CSMD3: variants seen among roughly 807,000 people sequenced by gnomAD.
The protein encoded by CSMD3 is CUB and Sushi multiple domains 3.
A neutral mutation model predicts 435.2 loss-of-function variants in CSMD3; 177 were observed. The observed-to-expected ratio is 0.41, with a 90% CI of 0.36 to 0.46. The LOEUF (loss-of-function observed/expected upper bound fraction) is 0.46. CSMD3 is among the 20% of genes least tolerant of loss of function. CSMD3 has a pLI of 0.34. For synonymous variants in CSMD3, 1,656 were observed against 1,520.5 expected, an observed-to-expected ratio of 1.09 and a Z score of -2.07; for missense variants, 4,265 against 4,504.6, an observed-to-expected ratio of 0.95 and a Z score of 1.52.
intron 70 of CSMD3, among the ~76,000 whole-genome samples, chr8:112,228,018 A>G (rs1426104400): frequency 6.6e-6 from 1 of 152,066 alleles, no homozygotes; most frequent in Non-Finnish European, 1.5e-5. Context: ...CTCCATCCTG[A>G]GCGACAGAGC....
At chr8:112,942,820 TA>T (rs780453304) in intron 9 of CSMD3, among the ~76,000 whole-genome samples, 3 of 151,796 alleles carry the variant, frequency 2.0e-5, no homozygotes, top group Non-Finnish European at 4.4e-5. Context: ...CCCTGTGACA[TA>T]CAATTTACCT....
chr8:112,916,450 CTA>C (rs1014145889), intron 10 of CSMD3, among the ~76,000 whole-genome samples: 1 of 151,528 alleles, frequency 6.6e-6, no homozygotes, highest in East Asian at 1.9e-4. Context: ...AAGCTTCACA[CTA>C]TGGCTTTTAG....
chr8:113,119,506 T>A (rs1277268298), intron 4 of CSMD3, among the ~76,000 whole-genome samples: 1 of 152,094 alleles, frequency 6.6e-6, no homozygotes, highest in Non-Finnish European at 1.5e-5. Flanking sequence ...TTTGAGATGT[T>A]AAAAACATAG....
rs181712155 is a variant in CSMD3 at position 112,435,229 on chromosome 8, C to A, written c.5396-26197G>T. Among the ~76,000 whole-genome samples the A allele has an allele frequency of 5.3e-5, 8 of 151,982 alleles. No homozygotes were observed. The East Asian group carries it at 1.4e-3, about 26-fold the overall frequency. On this transcript the variant is annotated intron_variant, in intron 32 of 70. Coordinates refer to ENST00000297405, the MANE Select transcript of CSMD3 (RefSeq NM_198123.2). The stretch of plus-strand genomic sequence containing the variant: ...TGAAAATAGAGAATACCTTTTTGTG[C>A]GGGTAGATAGCATTGAATTCTCAAG...
intron 1 of CSMD3, among the ~76,000 whole-genome samples, chr8:113,433,258 G>T (rs536724716): frequency 9.2e-5 from 14 of 152,142 alleles, no homozygotes; most frequent in Non-Finnish European, 1.8e-4. Flanking sequence ...CCTTTGTAAA[G>T]CTCTCTCAAG....
chr8:112,844,481 T>C (rs1290630110), intron 11 of CSMD3, among the ~76,000 whole-genome samples: 1 of 152,010 alleles, frequency 6.6e-6, no homozygotes, highest in African/African-American at 2.4e-5. Context: ...AAATATGATA[T>C]AAATAGAAAT....
At chr8:113,063,509 T>C (rs1230087498) in intron 5 of CSMD3, among the ~76,000 whole-genome samples, 1 of 152,006 alleles carries the variant, frequency 6.6e-6, no homozygotes, top group African/African-American at 2.4e-5. Context: ...ACAAGATTCA[T>C]GTCAAGCATG....
At chr8:113,346,228 T>C (rs1354702115) in intron 1 of CSMD3, among the ~76,000 whole-genome samples, 1 of 152,052 alleles carries the variant, frequency 6.6e-6, no homozygotes, top group East Asian at 2.0e-4. Flanking sequence ...TTTTTACTTT[T>C]AGAATATCCT....
chr8:112,541,766 A>C (rs1826686900), intron 27 of CSMD3, among the ~76,000 whole-genome samples: 1 of 151,968 alleles, frequency 6.6e-6, no homozygotes, highest in Admixed American at 6.6e-5. Context: ...CAAACAAAAA[A>C]ATTTCCAAAT....
chr8:112,949,331 A>C (rs916680169), intron 8 of CSMD3, among the ~76,000 whole-genome samples: 11 of 152,030 alleles, frequency 7.2e-5, no homozygotes, highest in Admixed American at 6.6e-4. Flanking sequence ...ACTGTATTAC[A>C]GCTCACTAAT....
rs71281204 is a variant in CSMD3 at position 113,168,519 on chromosome 8, C to CAAAAAA, written c.709+5197_709+5202dup. ...CTGGTGACAGAGCAAGACTCTGTCT[C>CAAAAAA]AAAAAAAAAAAAAAAAAAAAAAAAA... On this transcript the variant is annotated intron_variant, in intron 4 of 70. Coordinates refer to ENST00000297405, the MANE Select transcript of CSMD3 (RefSeq NM_198123.2). Among the ~76,000 whole-genome samples, 61 of 17,018 alleles carry CAAAAAA rather than the reference C, an allele frequency of 3.6e-3. 17 individuals carry two copies. Among genetic ancestry groups the CAAAAAA allele is most frequent in the East Asian group, 0.014 (4 of 292 alleles). 11.2% of individuals were successfully genotyped at this position (17,018 alleles called of 152,430 possible). A position where few individuals can be genotyped will look rare whatever the true frequency, so the allele number is the denominator to read the frequency against.
intron 3 of CSMD3, among the ~76,000 whole-genome samples, chr8:113,203,973 T>C (rs1010756897): frequency 1.3e-5 from 2 of 152,154 alleles, no homozygotes; most frequent in African/African-American, 4.8e-5. Context: ...TCAACAAATA[T>C]ATATATTTCC....
In CSMD3 at chr8:112,376,039, T is replaced by A. The variant is rs201013570; in HGVS notation, c.6136+4313A>T. Among the ~76,000 whole-genome samples the A allele has an allele frequency of 1.3e-4, 20 of 152,264 alleles. No homozygotes were observed. The East Asian group carries it at 3.3e-3, about 25-fold the overall frequency. On this transcript the variant is annotated intron_variant, in intron 38 of 70. Transcript: ENST00000297405. ...TCCTCTGCTGAATCTATCCACCCCG[T>A]CTTGCTTAACTGTAAAACTCCTACT...
At chr8:112,327,150 G>T (rs1823593031) in intron 45 of CSMD3, among the ~76,000 whole-genome samples, 1 of 152,170 alleles carries the variant, frequency 6.6e-6, no homozygotes, top group Admixed American at 6.6e-5. Context: ...ATATGTAAGT[G>T]TCTGTGGTCT....
chr8:112,766,748 T>C (rs1461693531), intron 13 of CSMD3, among the ~76,000 whole-genome samples: 1 of 151,744 alleles, frequency 6.6e-6, no homozygotes, highest in Non-Finnish European at 1.5e-5. Context: ...GGCAAGTTAA[T>C]GAAAAAGGAG....
intron 13 of CSMD3, among the ~76,000 whole-genome samples, chr8:112,701,700 ACCATAGAGGG>A (rs2076392546): frequency 6.6e-6 from 1 of 152,130 alleles, no homozygotes; most frequent in Non-Finnish European, 1.5e-5. Context: ...CGACTTCCTT[ACCATAGAGGG>A]CCCTTCATGA....
chr8:112,689,962 C>T lies in CSMD3; in HGVS notation c.2061G>A (p.Arg687=), dbSNP rs146167541. Residue 687 remains arginine, a synonymous_variant, in exon 14 of 71, where the codon AGG becomes AGA. Coordinates refer to ENST00000297405, the MANE Select transcript of CSMD3 (RefSeq NM_198123.2). ...ATTCAAACCCAAACTGGCATTCAAACCTTAAAACATCACGATTAGAAAATC... is the reference window on the plus strand; with the variant it reads ...ATTCAAACCCAAACTGGCATTCAAATCTTAAAACATCACGATTAGAAAATC... ...GDGFSNRDVL[R]FECQFGFELI... 10,690 of 1,613,226 alleles carry T rather than the reference C, an allele frequency of 6.6e-3. 38 individuals are homozygous for T. The highest frequency in any genetic ancestry group is 7.9e-3 in the Non-Finnish European group (9,298 of 1,179,396).
chr8:113,065,525 T>A (rs1035304259), intron 5 of CSMD3, among the ~76,000 whole-genome samples: 3 of 152,132 alleles, frequency 2.0e-5, no homozygotes, highest in Admixed American at 2.0e-4. Flanking sequence ...TAGCTGGGAC[T>A]ACAGGTGCCC....
intron 3 of CSMD3, among the ~76,000 whole-genome samples, chr8:113,272,671 C>CT (rs2093538352): frequency 6.6e-6 from 1 of 152,126 alleles, no homozygotes; most frequent in Non-Finnish European, 1.5e-5. Context: ...TTGGGTATGT[C>CT]TTTATCAGCA....
Sources: allele counts gnomAD v4.1 joint callset (sites outside exome capture counted in the v4.1 genomes callset), GRCh38; gene constraint gnomAD v4.1.1; transcripts MANE v1.5; gene names NCBI Gene and HGNC (gene_info 2026-07-23, HGNC 2026-07-21).